PCDHA4: variants seen among roughly 807,000 people sequenced by gnomAD.
PCDHA4 encodes the protein protocadherin alpha-4.
PCDHA4 carries 49 observed loss-of-function variants against 61.4 expected under a neutral mutation model. That is an observed-to-expected ratio of 0.80 (90% confidence interval 0.63 to 1.01). The LOEUF (loss-of-function observed/expected upper bound fraction) is 1.01, where lower values mean the gene tolerates loss of function less well. Ranked by LOEUF, PCDHA4 falls within the 50% of genes least tolerant of loss-of-function variation. The pLI is 0.00. For synonymous variants in PCDHA4, 590 were observed against 550.3 expected (o/e 1.07, Z -1.01); for missense variants, 1,254 against 1,235.8 (o/e 1.01, Z -0.22).
chr5:140,884,444 C>G (rs1186302015), intron 1 of PCDHA4: 1 of 1,613,776 alleles, frequency 6.2e-7, no homozygotes, highest in East Asian at 2.2e-5. Flanking sequence ...GTGCTCGGCA[C>G]CGCCCACCGA....
intron 1 of PCDHA4, chr5:140,876,814 G>A (rs571648883): frequency 1.1e-5 from 18 of 1,614,108 alleles, no homozygotes; most frequent in Non-Finnish European, 1.5e-5. Context: ...GGTGGCCGAC[G>A]TGAACGACAA....
At chr5:140,901,407 G>T (rs2068648687) in intron 1 of PCDHA4, among the ~76,000 whole-genome samples, 2 of 152,130 alleles carry the variant, frequency 1.3e-5, no homozygotes, top group Non-Finnish European at 2.9e-5. Context: ...AGAGATAGGG[G>T]TCTAGTTTCA....
chr5:140,870,085 C>A, intron 1 of PCDHA4: 1 of 1,613,862 alleles, frequency 6.2e-7, no homozygotes, highest in Non-Finnish European at 8.5e-7. Context: ...GGGGACTCCC[C>A]CAATGGCAGG....
chr5:140,853,605 G>C lies in PCDHA4; in HGVS notation c.2385+44033G>C, dbSNP rs773791072. ...TCTTAGACACTTTGAGAGCAAAGGG[G>C]GTGCTGTAAATAAGTATACAAGATC... On this transcript the variant is annotated intron_variant, in intron 1 of 3. Coordinates refer to ENST00000530339, the MANE Select transcript of PCDHA4 (RefSeq NM_018907.4). The C allele has an allele frequency of 3.1e-5, 31 of 987,206 alleles. 2 individuals carry two copies. The highest frequency in any genetic ancestry group is 3.7e-5 in the Non-Finnish European group (30 of 819,622). The allele number at this position is 987,206 out of a possible 1,614,324, so 61.2% of individuals were successfully genotyped here.
In PCDHA4 at chr5:140,843,265, G is replaced by T. The variant is rs2150356257; in HGVS notation, c.2385+33693G>T. ...CGGACTCTCCGCGCCACCGTCTGCT[G>T]GTCCTGGTGAAGGATCATGGTGAAC... On this transcript the variant is annotated intron_variant, in intron 1 of 3. Transcript: ENST00000530339. 33 of 1,595,976 alleles carry T rather than the reference G, an allele frequency of 2.1e-5. 4 individuals are homozygous for T. Among genetic ancestry groups the T allele is most frequent in the Non-Finnish European group, 2.7e-5 (32 of 1,165,590 alleles).
intron 1 of PCDHA4, chr5:140,881,444 A>C (rs2058716592): frequency 1.2e-6 from 1 of 800,270 alleles, no homozygotes; most frequent in African/African-American, 1.9e-5. Context: ...ATAAAAACAG[A>C]ATCCAAAACC....
chr5:140,972,391 C>T (rs1554234093), intron 1 of PCDHA4, among the ~76,000 whole-genome samples: 3 of 151,490 alleles, frequency 2.0e-5, no homozygotes, highest in African/African-American at 7.3e-5. Flanking sequence ...TGTTTATTTG[C>T]TTCACTATTG....
At chr5:140,879,391 G>A (rs2057973329) in intron 1 of PCDHA4, among the ~76,000 whole-genome samples, 1 of 152,184 alleles carries the variant, frequency 6.6e-6, no homozygotes, top group South Asian at 2.1e-4. Flanking sequence ...TGGAGAAACA[G>A]TTTGTGTGTA....
Position 140,842,918 on chromosome 5 carries a change from T to C in PCDHA4, c.2385+33346T>C. On this transcript the variant is annotated intron_variant, in intron 1 of 3. Coordinates refer to ENST00000530339, the MANE Select transcript of PCDHA4 (RefSeq NM_018907.4). Reference sequence around the variant, plus strand: ...CCACGAGGAGCTAGAGCTGCTGCAGTTCCAGGTGAGCGCGCGCGACGCGGG... The same window carrying C: ...CCACGAGGAGCTAGAGCTGCTGCAGCTCCAGGTGAGCGCGCGCGACGCGGG... The C allele has an allele frequency of 3.8e-6, 6 of 1,594,574 alleles. 1 individual carries two copies. The highest frequency in any genetic ancestry group is 5.1e-6 in the Non-Finnish European group (6 of 1,165,450).
intron 1 of PCDHA4, chr5:140,927,513 C>T (rs371881938): frequency 2.2e-5 from 36 of 1,614,062 alleles, no homozygotes; most frequent in South Asian, 3.3e-5. Flanking sequence ...CAGCTCGGGA[C>T]GGCGGGCTAC....
At chr5:140,940,499 G>T (rs190058542) in intron 1 of PCDHA4, among the ~76,000 whole-genome samples, 3 of 151,756 alleles carry the variant, frequency 2.0e-5, no homozygotes, top group Non-Finnish European at 4.4e-5. Flanking sequence ...GTCTTGCTCC[G>T]TCGCTCAGGC....
In PCDHA4 at chr5:140,849,843, G is replaced by A. The variant is rs2150453087; in HGVS notation, c.2385+40271G>A. 8 of 1,598,500 alleles carry A rather than the reference G, an allele frequency of 5.0e-6. 1 individual carries two copies. The highest frequency in any genetic ancestry group is 3.3e-5 in the South Asian group (3 of 90,550). On this transcript the variant is annotated intron_variant, in intron 1 of 3. Transcript: ENST00000530339. Reference sequence around the variant, plus strand: ...GTCTGTGGAGGTGGCCGACGTGAACGACAACGCACCAGCGTTCGCGCAGTC... The same window carrying A: ...GTCTGTGGAGGTGGCCGACGTGAACAACAACGCACCAGCGTTCGCGCAGTC...
At chr5:140,958,397 A>T (rs1306610051) in intron 1 of PCDHA4, among the ~76,000 whole-genome samples, 3 of 152,172 alleles carry the variant, frequency 2.0e-5, no homozygotes, top group African/African-American at 7.2e-5. Flanking sequence ...GTCATCAAAC[A>T]TTATCACTGA....
At position 140,882,738 on chromosome 5, in the gene PCDHA4, C is replaced by T. The variant is rs1005115100; in HGVS notation, c.2385+73166C>T. 8.1e-6 allele frequency: 13 copies of T among 1,614,118 alleles called. No individual in the cohort carries two copies. The highest frequency in any genetic ancestry group is 1.3e-5 in the African/African-American group (1 of 74,942). ...GAAACTCGATTTCCACTAGATGGCG[C>T]ATCCGATGCAGATATTGGAGTAAAC... On this transcript the variant is annotated intron_variant, in intron 1 of 3. Transcript: ENST00000530339.
At chr5:140,888,752 C>A (rs782384703) in intron 1 of PCDHA4, among the ~76,000 whole-genome samples, 44 of 151,842 alleles carry the variant, frequency 2.9e-4, no homozygotes, top group Non-Finnish European at 5.7e-4. Context: ...TTATTCTACC[C>A]ACTTTTTTTT....
At chr5:140,870,981 C>T (rs372420484) in intron 1 of PCDHA4, 72 of 1,613,472 alleles carry the variant, frequency 4.5e-5, no homozygotes, top group Non-Finnish European at 5.9e-5. Context: ...TGGGGCTGTA[C>T]ACGGGCGAGA....
At position 140,833,364 on chromosome 5, in the gene PCDHA4, G is replaced by A. The variant is rs1298324769; in HGVS notation, c.2385+23792G>A. On this transcript the variant is annotated intron_variant, in intron 1 of 3. Transcript: ENST00000530339. ...ACATTCCAGAAAACGAACACAGTAA[G>A]GTAGATCCAAAAAGGATGAAATACC... Among the ~76,000 whole-genome samples the A allele has an allele frequency of 2.6e-5, 4 of 152,118 alleles. No homozygotes were observed. In the South Asian group the frequency reaches 8.3e-4, roughly 31 times the overall value.
At chr5:140,993,460 T>TCCCACACA (rs1554253699) in intron 3 of PCDHA4, among the ~76,000 whole-genome samples, 2 of 104,506 alleles carry the variant, frequency 1.9e-5, no homozygotes, top group African/African-American at 7.8e-5. Flanking sequence ...CTTCTTTCTT[T>TCCCACACA]CTCACACACA....
chr5:140,987,407 T>C (rs1301920693), intron 3 of PCDHA4, among the ~76,000 whole-genome samples: 3 of 152,148 alleles, frequency 2.0e-5, no homozygotes, highest in Non-Finnish European at 4.4e-5. Flanking sequence ...CATCTGTTTA[T>C]GGTTCTTGTG....
Sources: allele counts gnomAD v4.1 joint callset (sites outside exome capture counted in the v4.1 genomes callset), GRCh38; gene constraint gnomAD v4.1.1; transcripts MANE v1.5; gene names NCBI Gene and HGNC (gene_info 2026-07-23, HGNC 2026-07-21).